The following KCNJ5 variants were observed in gnomAD, a reference collection of about 807,000 sequenced individuals.
KCNJ5 encodes the protein potassium inwardly rectifying channel subfamily J member 5.
KCNJ5 carries 12 observed loss-of-function variants against 20.2 expected under a neutral mutation model. The observed-to-expected ratio is 0.59, with a 90% CI of 0.38 to 0.96. KCNJ5 has a LOEUF of 0.96. KCNJ5 is among the 40% of genes least tolerant of loss of function. The pLI is 0.00. For synonymous variants in KCNJ5, 210 were observed against 213.9 expected, an observed-to-expected ratio of 0.98 and a Z score of 0.16; for missense variants, 449 against 557.6, an observed-to-expected ratio of 0.81 and a Z score of 1.96.
Position 128,911,716 on chromosome 11 carries a change from C to A in KCNJ5, c.443C>A (p.Thr148Lys), listed in dbSNP as rs771482814. ...SAFLFSIETE[T>K]TIGYGFRVIT... ...TTCCTGTTCTCCATTGAGACCGAAA[C>A]AACCATTGGGTATGGCTTCCGAGTC... Residue 148 changes from threonine (T) to lysine (K), a missense_variant, in exon 2 of 3, where the codon ACA becomes AAA. By Grantham distance (78) the Thr-to-Lys change is moderately conservative. This residue lies in a region of KCNJ5 where 203 missense variants were observed against 258.0 expected (regional missense o/e 0.79). Coordinates refer to ENST00000529694, the MANE Select transcript of KCNJ5 (RefSeq NM_000890.5). The surrounding 1 kb of genome is among the most constrained non-coding windows in gnomAD (Gnocchi z 6.3). 1 of 1,614,174 alleles carries A rather than the reference C, an allele frequency of 6.2e-7. No individual in the cohort carries two copies. Among genetic ancestry groups the A allele is most frequent in the South Asian group, 1.1e-5 (1 of 91,078 alleles).
intron 1 of KCNJ5, among the ~76,000 whole-genome samples, chr11:128,893,295 A>G (rs1944122445): frequency 6.6e-6 from 1 of 152,170 alleles, no homozygotes; most frequent in Admixed American, 6.5e-5. Context: ...GCTTCTTGGA[A>G]GAGCAGCAGC....
In KCNJ5 at chr11:128,916,244, A is replaced by AGATGGATGGATGGATGGATG. The variant is rs61176061; in HGVS notation, c.938-148_938-129dup. Reference sequence around the variant, plus strand: ...TGGATGGTTGGATGGATAGATGATTAGATGGATGGATGGATGGATGGATGG... The same window carrying AGATGGATGGATGGATGGATG: ...TGGATGGTTGGATGGATAGATGATTAGATGGATGGATGGATGGATGGATGGATGGATGGATGGATGGATGG... On this transcript the variant is annotated intron_variant, in intron 2 of 2. Coordinates refer to ENST00000529694, the MANE Select transcript of KCNJ5 (RefSeq NM_000890.5). Among the ~76,000 whole-genome samples, 629 of 129,252 alleles carry AGATGGATGGATGGATGGATG rather than the reference A, an allele frequency of 4.9e-3. 11 individuals carry two copies. The highest frequency in any genetic ancestry group is 0.012 in the African/African-American group (412 of 33,072). 84.8% of individuals were successfully genotyped at this position (129,252 alleles called of 152,430 possible).
At chr11:128,900,046 T>A (rs1944246554) in intron 1 of KCNJ5, 1 of 152,266 alleles carries the variant, frequency 6.6e-6, no homozygotes, top group African/African-American at 2.4e-5. Flanking sequence ...GGCACTCACC[T>A]ATCACTAACC....
chr11:128,918,138 C>G lies in KCNJ5; in HGVS notation c.*1407C>G, dbSNP rs1267746619. ...GGCTCAGCACCTTCACCATCAAGTTCAGCCTGAGCCAAGCTCCCAGCCCAC... is the reference window on the plus strand; with the variant it reads ...GGCTCAGCACCTTCACCATCAAGTTGAGCCTGAGCCAAGCTCCCAGCCCAC... On this transcript the variant is annotated 3_prime_UTR_variant, in exon 3 of 3. Transcript: ENST00000529694. 1.3e-5 allele frequency: 2 copies of G among 152,202 alleles called. No homozygotes were observed. The highest frequency in any genetic ancestry group is 2.4e-5 in the African/African-American group (1 of 41,426). The allele number at this position is 152,202 out of a possible 1,614,324, so 9.4% of individuals were successfully genotyped here.
chr11:128,912,895 T>C (rs902748131), intron 2 of KCNJ5, among the ~76,000 whole-genome samples: 5 of 152,222 alleles, frequency 3.3e-5, no homozygotes, highest in Non-Finnish European at 2.9e-5. Context: ...TTTCGAATGA[T>C]AGAGCTAGGA....
chr11:128,897,832 G>A (rs1473371116), intron 1 of KCNJ5, among the ~76,000 whole-genome samples: 1 of 152,214 alleles, frequency 6.6e-6, no homozygotes, highest in African/African-American at 2.4e-5. Context: ...TATAAAGTCT[G>A]AGACTTAGGT....
chr11:128,896,191 TTGTC>T (rs74706347), intron 1 of KCNJ5, among the ~76,000 whole-genome samples: 23,064 of 152,140 alleles, frequency 0.15, 2,185 homozygotes, highest in Non-Finnish European at 0.22. Flanking sequence ...CTCAATCTCT[TTGTC>T]TGCTGCAGTC....
intron 2 of KCNJ5, among the ~76,000 whole-genome samples, chr11:128,914,948 G>C (rs1591452771): frequency 1.3e-5 from 2 of 152,248 alleles, no homozygotes; most frequent in African/African-American, 4.8e-5. Flanking sequence ...GGGACAACAA[G>C]GGTAACGACT....
chr11:128,911,914 AGCTG>A lies in KCNJ5; in HGVS notation c.642_645del (p.Lys214AsnfsTer38). The A allele has an allele frequency of 6.2e-7, 1 of 1,604,910 alleles. No individual in the cohort carries two copies. Among genetic ancestry groups the A allele is most frequent in the Middle Eastern group, 1.7e-4 (1 of 6,028 alleles). On this transcript the variant is annotated frameshift_variant, in exon 2 of 3. Coordinates refer to ENST00000529694, the MANE Select transcript of KCNJ5 (RefSeq NM_000890.5). LOFTEE classifies it high-confidence loss of function. This position sits in a 1 kb window ranked among gnomAD's most constrained non-coding sequence, Gnocchi z 6.3. ...GCAGTCATCTCCATGCGGGACGAGA[AGCTG>A]TGCCTCATGTTCCGGGTGGGCGACC... is the stretch of plus-strand genomic sequence containing the variant.
chr11:128,895,389 C>G (rs1436751414), intron 1 of KCNJ5, among the ~76,000 whole-genome samples: 2 of 150,886 alleles, frequency 1.3e-5, no homozygotes, highest in African/African-American at 4.9e-5. Context: ...CCCACCCCCC[C>G]CCCAACCCCA....
chr11:128,904,745 G>C, intron 1 of KCNJ5: 1 of 557,682 alleles, frequency 1.8e-6, no homozygotes, highest in South Asian at 2.2e-5. Context: ...TGGGTGTTGA[G>C]TGGGGGTTCG....
chr11:128,893,253 C>T (rs1050305658), intron 1 of KCNJ5, among the ~76,000 whole-genome samples: 2 of 152,144 alleles, frequency 1.3e-5, no homozygotes, highest in Admixed American at 6.5e-5. Context: ...GGCATAAGGC[C>T]TTCAGTGGGA....
intron 1 of KCNJ5, among the ~76,000 whole-genome samples, chr11:128,905,115 T>C (rs941672971): frequency 1.3e-5 from 2 of 152,202 alleles, no homozygotes; most frequent in Non-Finnish European, 2.9e-5. Context: ...GGGCACAGTC[T>C]CTGGGTGGCT....
chr11:128,907,829 G>A (rs990518697), intron 1 of KCNJ5, among the ~76,000 whole-genome samples: 2 of 152,226 alleles, frequency 1.3e-5, no homozygotes, highest in Non-Finnish European at 2.9e-5. Flanking sequence ...CTATGGGAGG[G>A]CTGGCTCTGC....
chr11:128,892,562 G>T (rs987233710), intron 1 of KCNJ5, among the ~76,000 whole-genome samples: 1 of 152,146 alleles, frequency 6.6e-6, no homozygotes, highest in South Asian at 2.1e-4. Context: ...ACAGGAACAC[G>T]CCAAGTATTT....
At chr11:128,902,080 G>T (rs1357586574) in intron 1 of KCNJ5, 2 of 169,848 alleles carry the variant, frequency 1.2e-5, no homozygotes, top group South Asian at 1.4e-4. Context: ...GGGGCATTCT[G>T]CTTCGAGAAG....
At chr11:128,903,126 T>C (rs1314263063) in intron 1 of KCNJ5, among the ~76,000 whole-genome samples, 2 of 151,894 alleles carry the variant, frequency 1.3e-5, no homozygotes, top group African/African-American at 4.9e-5. Context: ...CACCACCCCC[T>C]ACCATGTCCC....
intron 1 of KCNJ5, among the ~76,000 whole-genome samples, chr11:128,894,846 C>T (rs1198487201): frequency 6.6e-6 from 1 of 152,184 alleles, no homozygotes; most frequent in Non-Finnish European, 1.5e-5. Flanking sequence ...TCAACAGGGC[C>T]CAGGATGGCG....
At chr11:128,904,123 C>A (rs1488431968) in intron 1 of KCNJ5, among the ~76,000 whole-genome samples, 1 of 152,214 alleles carries the variant, frequency 6.6e-6, no homozygotes, top group African/African-American at 2.4e-5. Context: ...TTAAATGATA[C>A]AATGCATGAA....
Sources: gnomAD v4.1 joint callset for allele counts (sites outside exome capture counted in the v4.1 genomes callset) on GRCh38, gnomAD v4.1.1 for gene constraint, gnomAD v4.1.1 regional missense constraint, Gnocchi (gnomAD v3.1) non-coding constraint, MANE v1.5 for transcripts, NCBI Gene and HGNC (gene_info 2026-07-23, HGNC 2026-07-21) for gene names.